MTHFS: variants seen among roughly 807,000 people sequenced by gnomAD.
MTHFS encodes the protein methenyltetrahydrofolate synthetase.
MTHFS carries 7 observed loss-of-function variants against 12.7 expected under a neutral mutation model. The observed-to-expected ratio is 0.55, with a 90% CI of 0.31 to 1.03. The LOEUF (loss-of-function observed/expected upper bound fraction) is 1.03, where lower values mean the gene tolerates loss of function less well. MTHFS is among the 50% of genes least tolerant of loss of function. The pLI is 0.05. For synonymous variants in MTHFS, 100 were observed against 97.1 expected, an observed-to-expected ratio of 1.03 and a Z score of -0.18; for missense variants, 252 against 258.1, an observed-to-expected ratio of 0.98 and a Z score of 0.16.
At chr15:79,859,180 T>C (rs2033864811) in intron 2 of MTHFS, among the ~76,000 whole-genome samples, 3 of 152,212 alleles carry the variant, frequency 2.0e-5, no homozygotes, top group Admixed American at 2.0e-4. Context: ...ACAATTCCAA[T>C]CAAGCTCTCA....
At chr15:79,867,677 T>C (rs933922385) in intron 2 of MTHFS, among the ~76,000 whole-genome samples, 2 of 151,848 alleles carry the variant, frequency 1.3e-5, no homozygotes, top group African/African-American at 4.8e-5. Flanking sequence ...CACCAGTAAA[T>C]TACTAGAGCT....
chr15:79,896,900 A>G lies in MTHFS; in HGVS notation c.89T>C (p.Leu30Pro). 1 of 1,542,940 alleles carries G rather than the reference A, an allele frequency of 6.5e-7. No individual in the cohort carries two copies. Among genetic ancestry groups the G allele is most frequent in the Non-Finnish European group, 8.7e-7 (1 of 1,146,262 alleles). Reference protein sequence around the residue: ...RLRAMSAEERLRQSRVLSQKV... With the variant: ...RLRAMSAEERPRQSRVLSQKV... ...CTGGCTCAGTACGCGGGACTGGCGT[A>G]GCCGCTCCTCGGCACTCATCGCCCG... is the stretch of plus-strand genomic sequence containing the variant. The change falls in exon 1 of 3, where the codon CTA becomes CCA. Residue 30 changes from leucine to proline, a missense_variant. Leu to Pro is a moderately conservative substitution (Grantham distance 98). Transcript: ENST00000258874.
chr15:79,862,159 T>C (rs2033927897), intron 2 of MTHFS, among the ~76,000 whole-genome samples: 1 of 151,414 alleles, frequency 6.6e-6, no homozygotes, highest in African/African-American at 2.4e-5. Flanking sequence ...GCTAACTGAA[T>C]CAATCCTCTC....
chr15:79,848,959 C>T lies in MTHFS; in HGVS notation c.380-3517G>A, dbSNP rs973357178. On this transcript the variant is annotated intron_variant, in intron 2 of 2. Coordinates refer to ENST00000258874, the MANE Select transcript of MTHFS (RefSeq NM_006441.4). ...ATGACATCCTCTATTTTAATAATTC[C>T]GAAGTACATAAATTTGGCTCAAAGA... Among the ~76,000 whole-genome samples the T allele has an allele frequency of 5.3e-5, 8 of 151,692 alleles. No homozygotes were observed. The South Asian group carries it at 8.3e-4, about 16-fold the overall frequency.
chr15:79,892,249 G>C (rs1417036762), intron 1 of MTHFS, among the ~76,000 whole-genome samples: 2 of 152,162 alleles, frequency 1.3e-5, no homozygotes, highest in Non-Finnish European at 2.9e-5. Context: ...CCCTAACTCA[G>C]AAGTGGAGTA....
At chr15:79,857,738 C>T (rs72734752) in intron 2 of MTHFS, among the ~76,000 whole-genome samples, 21,379 of 151,948 alleles carry the variant, frequency 0.14, 1,643 homozygotes, top group Middle Eastern at 0.18. Flanking sequence ...ACCCAAAATC[C>T]GGCTGGGCAC....
chr15:79,889,496 T>G, intron 1 of MTHFS, 142 bp from the exon 2 acceptor site: 1 of 1,294,214 alleles, frequency 7.7e-7, no homozygotes, highest in Non-Finnish European at 1.0e-6. Flanking sequence ...CAGAGTGATA[T>G]AGTGGGTCAG....
At chr15:79,863,046 C>G (rs1228144680) in intron 2 of MTHFS, among the ~76,000 whole-genome samples, 1 of 152,210 alleles carries the variant, frequency 6.6e-6, no homozygotes, top group African/African-American at 2.4e-5. Flanking sequence ...CCCCCAACCC[C>G]CTACATCTCC....
chr15:79,888,944 C>T, intron 2 of MTHFS, 149 bp downstream of exon 2: 4 of 1,247,434 alleles, frequency 3.2e-6, no homozygotes, highest in Non-Finnish European at 4.3e-6. Flanking sequence ...ACATCCTAAA[C>T]CAGGTAATAC....
intron 1 of MTHFS, among the ~76,000 whole-genome samples, chr15:79,892,671 G>A (rs539613261): frequency 1.3e-5 from 2 of 152,210 alleles, no homozygotes; most frequent in South Asian, 2.1e-4. Context: ...ACAAAAATAC[G>A]GCTGGGCGTG....
At chr15:79,896,764 G>A (rs967679535) in intron 1 of MTHFS, 108 bp downstream of exon 1, 6 of 1,464,520 alleles carry the variant, frequency 4.1e-6, no homozygotes, top group East Asian at 2.8e-5. Context: ...GGGGTGGGGG[G>A]GCGCCTAGCC....
intron 1 of MTHFS, among the ~76,000 whole-genome samples, chr15:79,893,456 T>C (rs1054241355): frequency 6.6e-6 from 1 of 151,624 alleles, no homozygotes; most frequent in African/African-American, 2.4e-5. Flanking sequence ...CCCAGTACTT[T>C]GGGAGGCCGA....
chr15:79,867,385 A>G (rs868230446), intron 2 of MTHFS, among the ~76,000 whole-genome samples: 2 of 151,988 alleles, frequency 1.3e-5, no homozygotes, highest in South Asian at 2.1e-4. Flanking sequence ...AAAAAAAAAA[A>G]AGGGGGGGAC....
In MTHFS at chr15:79,889,310, G is replaced by A. The variant is rs762638887; in HGVS notation, c.162C>T (p.Ile54=). 1.2e-6 allele frequency: 2 copies of A among 1,614,154 alleles called. No individual in the cohort carries two copies. The highest frequency in any genetic ancestry group is 1.1e-5 in the South Asian group (1 of 91,072). Reference sequence around the variant, plus strand: ...CAATTTCATCTTGCATGCTCAGAAAGATGGAAATTCTTTTGGACTTTTGAT... The same window carrying A: ...CAATTTCATCTTGCATGCTCAGAAAAATGGAAATTCTTTTGGACTTTTGAT... ...SEYQKSKRIS[I]FLSMQDEIET... The change falls in exon 2 of 3, where the codon ATC becomes ATT. Residue 54 remains isoleucine (I), a synonymous_variant. Coordinates refer to ENST00000258874, the MANE Select transcript of MTHFS (RefSeq NM_006441.4).
chr15:79,896,911 G>A lies in MTHFS; in HGVS notation c.78C>T (p.Ala26=). Residue 26 remains alanine (A), a synonymous_variant, in exon 1 of 3, where the codon GCC becomes GCT. Transcript: ENST00000258874. The part of the protein sequence containing the change: ...ELKQRLRAMS[A]EERLRQSRVL... ...CGCGGGACTGGCGTAGCCGCTCCTC[G>A]GCACTCATCGCCCGCAGACGCTGCT... 1 of 1,542,470 alleles carries A rather than the reference G, an allele frequency of 6.5e-7. No homozygotes were observed. The highest frequency in any genetic ancestry group is 1.2e-5 in the South Asian group (1 of 83,994).
intron 2 of MTHFS, among the ~76,000 whole-genome samples, chr15:79,854,204 A>G (rs939662350): frequency 2.0e-5 from 3 of 152,238 alleles, no homozygotes; most frequent in African/African-American, 7.2e-5. Context: ...CAGAAGGCAC[A>G]CTCAAACTAG....
At chr15:79,870,157 C>A (rs6495450) in intron 2 of MTHFS, among the ~76,000 whole-genome samples, 75,491 of 151,970 alleles carry the variant, frequency 0.5, 18,898 homozygotes, top group South Asian at 0.56. Context: ...CAAAGGAAAA[C>A]ATGAATGACA....
At chr15:79,893,955 A>T (rs2034520432) in intron 1 of MTHFS, among the ~76,000 whole-genome samples, 1 of 152,240 alleles carries the variant, frequency 6.6e-6, no homozygotes, top group Admixed American at 6.5e-5. Context: ...TAAATGAAAG[A>T]CATCATTTAA....
intron 2 of MTHFS, among the ~76,000 whole-genome samples, chr15:79,873,376 G>A (rs2034139063): frequency 6.6e-6 from 1 of 152,154 alleles, no homozygotes; most frequent in Non-Finnish European, 1.5e-5. Context: ...AGAATCAAAT[G>A]AAGCAATGCA....
Sources: gnomAD v4.1 joint callset for allele counts (sites outside exome capture counted in the v4.1 genomes callset) on GRCh38, gnomAD v4.1.1 for gene constraint, MANE v1.5 for transcripts, NCBI Gene and HGNC (gene_info 2026-07-23, HGNC 2026-07-21) for gene names.